Variants in TFEB observed in about 807,000 individuals in gnomAD.
The protein encoded by TFEB is transcription factor EB, also known as T-cell transcription factor EB.
Under a neutral mutation model 48.0 loss-of-function variants are expected in TFEB, and 12 were observed. The observed-to-expected ratio is 0.25, with a 90% confidence interval of 0.16 to 0.40. TFEB has a LOEUF of 0.40. Among genes scored for constraint, TFEB ranks in the 10% least tolerant of loss-of-function variants. The pLI, the probability that TFEB is intolerant of heterozygous loss-of-function variation, is 1.00. For missense variants in TFEB, 509 were observed against 640.3 expected (o/e 0.79, Z 2.21); for synonymous variants, 244 against 261.4 (o/e 0.93, Z 0.64).
At position 41,691,983 on chromosome 6, in the gene TFEB, T is replaced by C. The variant is rs1203102556; in HGVS notation, c.-22-748A>G. On this transcript the variant is annotated intron_variant, in intron 1 of 8. Transcript: ENST00000373033. This position sits in a 1 kb window ranked among gnomAD's most constrained non-coding sequence, Gnocchi z 5.2. ...CACTTGCTGTTCCCTCTGCCTGGAA[T>C]GCTCTCCCCCCAGATGACATCATGG... Among the ~76,000 whole-genome samples the C allele has an allele frequency of 1.3e-5, 2 of 152,114 alleles. No individual in the cohort carries two copies. Among genetic ancestry groups the C allele is most frequent in the African/African-American group, 4.8e-5 (2 of 41,404 alleles).
rs183254274 is a variant in TFEB at position 41,698,014 on chromosome 6, A to C, written c.-22-6779T>G. Among the ~76,000 whole-genome samples the C allele has an allele frequency of 3.8e-3, 574 of 152,164 alleles. 6 individuals carry two copies. The highest frequency in any genetic ancestry group is 0.013 in the African/African-American group (520 of 41,420). ...TTTGGAATGTTATTCTTTCTCTAGA[A>C]TGAAGATGTATATCTTTCTAATTGA... On this transcript the variant is annotated intron_variant, in intron 1 of 8. Coordinates refer to ENST00000373033, the MANE Select transcript of TFEB (RefSeq NM_001271944.2).
chr6:41,726,928 A>G (rs1006087852), intron 1 of TFEB, among the ~76,000 whole-genome samples: 1 of 152,218 alleles, frequency 6.6e-6, no homozygotes, highest in Non-Finnish European at 1.5e-5. Flanking sequence ...ATGACAACCT[A>G]TAGTTAGGCA....
intron 1 of TFEB, among the ~76,000 whole-genome samples, chr6:41,704,232 G>A (rs990269444): frequency 5.3e-5 from 8 of 152,168 alleles, no homozygotes; most frequent in African/African-American, 1.7e-4. Context: ...TCCTGAGTCC[G>A]CCCTCTGGAA....
rs976141510 is a variant in TFEB at position 41,691,870 on chromosome 6, C to T, written c.-22-635G>A. Among the ~76,000 whole-genome samples the T allele has an allele frequency of 6.6e-6, 1 of 152,130 alleles. No homozygotes were observed. The highest frequency in any genetic ancestry group is 2.4e-5 in the African/African-American group (1 of 41,420). ...CCTTTGACCCCATCCGCCAGCTCTC[C>T]CTCTTGTTTTATCTGCTCCGGCTAC... is the stretch of plus-strand genomic sequence containing the variant. On this transcript the variant is annotated intron_variant, in intron 1 of 8. Coordinates refer to ENST00000373033, the MANE Select transcript of TFEB (RefSeq NM_001271944.2). This position sits in a 1 kb window ranked among gnomAD's most constrained non-coding sequence, Gnocchi z 5.2.
In TFEB at chr6:41,730,887, C is replaced by T. The variant is rs1481561277; in HGVS notation, c.-23+4463G>A. Among the ~76,000 whole-genome samples the T allele has an allele frequency of 6.6e-6, 1 of 152,138 alleles. No individual in the cohort carries two copies. Among genetic ancestry groups the T allele is most frequent in the Non-Finnish European group, 1.5e-5 (1 of 68,028 alleles). The stretch of plus-strand genomic sequence containing the variant: ...GGTGGTAGAGATGCCTCAGGCATTG[C>T]CAAGCCCCCTGCACCGTCTTATTCA... On this transcript the variant is annotated intron_variant, in intron 1 of 8. Coordinates refer to ENST00000373033, the MANE Select transcript of TFEB (RefSeq NM_001271944.2). The surrounding 1 kb of genome is among the most constrained non-coding windows in gnomAD (Gnocchi z 4.1).
intron 1 of TFEB, chr6:41,735,047 A>G (rs1245263218): frequency 1.0e-6 from 1 of 985,018 alleles, no homozygotes; most frequent in Non-Finnish European, 1.2e-6. Context: ...GGGAAGGCCC[A>G]TGCCCGCCCG....
upstream of TFEB, chr6:41,736,140 A>G: frequency 6.2e-7 from 1 of 1,612,700 alleles, no homozygotes; most frequent in Admixed American, 1.7e-5. Flanking sequence ...TTCACGCCCC[A>G]CTCACCAGCC....
chr6:41,687,756 A>G lies in TFEB; in HGVS notation c.724T>C (p.Leu242=). The change falls in exon 6 of 9, where the codon TTA becomes CTA. Residue 242 remains leucine, a synonymous_variant. Coordinates refer to ENST00000373033, the MANE Select transcript of TFEB (RefSeq NM_001271944.2). Reference sequence around the variant, plus strand: ...AGAGGGGCGGGGCAGGACTCACTTAAGTTGTGATTGTCTTTCTTCTGCCGC... The same window carrying G: ...AGAGGGGCGGGGCAGGACTCACTTAGGTTGTGATTGTCTTTCTTCTGCCGC... ...KERQKKDNHN[L]IERRRRFNIN... 1 of 1,614,058 alleles carries G rather than the reference A, an allele frequency of 6.2e-7. No homozygotes were observed. Among genetic ancestry groups the G allele is most frequent in the Non-Finnish European group, 8.5e-7 (1 of 1,179,982 alleles).
At chr6:41,709,630 G>GTGGA (rs1205775828) in intron 1 of TFEB, among the ~76,000 whole-genome samples, 5 of 150,978 alleles carry the variant, frequency 3.3e-5, no homozygotes, top group African/African-American at 7.3e-5. Flanking sequence ...ATAATGGTGG[G>GTGGA]TGGATGGATG....
chr6:41,727,724 G>A (rs1485014551), intron 1 of TFEB, among the ~76,000 whole-genome samples: 1 of 152,176 alleles, frequency 6.6e-6, no homozygotes, highest in East Asian at 1.9e-4. Context: ...CTGGAGGTGG[G>A]AGGAACAGAG....
chr6:41,695,521 G>A (rs1769531799), intron 1 of TFEB, among the ~76,000 whole-genome samples: 1 of 152,138 alleles, frequency 6.6e-6, no homozygotes, highest in Non-Finnish European at 1.5e-5. Flanking sequence ...TTTTCCTGGA[G>A]GAAACAGAGG....
chr6:41,687,702 AG>A, intron 6 of TFEB, 50 bp downstream of exon 6: 1 of 1,611,982 alleles, frequency 6.2e-7, no homozygotes, highest in South Asian at 1.1e-5. Flanking sequence ...TAGCCAGCCC[AG>A]GTGAGAACAA....
chr6:41,714,151 A>G (rs1311210323), intron 1 of TFEB, among the ~76,000 whole-genome samples: 3 of 142,800 alleles, frequency 2.1e-5, no homozygotes, highest in Admixed American at 6.9e-5. Flanking sequence ...GTGTGTGTGC[A>G]TGTGCATGCG....
chr6:41,701,460 G>GA (rs1450655710), intron 1 of TFEB, among the ~76,000 whole-genome samples: 4 of 152,200 alleles, frequency 2.6e-5, no homozygotes, highest in Non-Finnish European at 5.9e-5. Context: ...AGACTTTCCA[G>GA]AAAGAGATGC....
chr6:41,706,906 T>C (rs1269079137), intron 1 of TFEB, among the ~76,000 whole-genome samples: 3 of 151,440 alleles, frequency 2.0e-5, no homozygotes, highest in Admixed American at 6.6e-5. Flanking sequence ...TTAAACACCA[T>C]AAGAAGCACT....
At position 41,684,963 on chromosome 6, in the gene TFEB, G is replaced by A; in HGVS notation, c.1067C>T (p.Pro356Leu). The A allele has an allele frequency of 1.3e-6, 2 of 1,583,600 alleles. No individual in the cohort carries two copies. Among genetic ancestry groups the A allele is most frequent in the Non-Finnish European group, 1.7e-6 (2 of 1,165,168 alleles). ...VKQELPSEEG[P>L]GEALMLGAEV... is the part of the protein sequence containing the mutation. ...AGCCCCCAGCATCAGGGCCTCCCCT[G>A]GGCCCTCTTCGCTAGGCAGCTCCTG... Residue 356 changes from proline (P) to leucine (L), a missense_variant, in exon 9 of 9, where the codon CCA becomes CTA. Around this residue, in one of 4 missense-constraint regions of TFEB, gnomAD observed 168 missense variants for 161.0 expected, o/e 1.04. Transcript: ENST00000373033.
At position 41,690,725 on chromosome 6, in the gene TFEB, C is replaced by T; in HGVS notation, c.406G>A (p.Gly136Ser). 1.9e-6 allele frequency: 3 copies of T among 1,588,478 alleles called. No individual in the cohort carries two copies. Among genetic ancestry groups the T allele is most frequent in the Non-Finnish European group, 1.7e-6 (2 of 1,163,592 alleles). The change falls in exon 3 of 9, where the codon GGC becomes AGC. Residue 136 changes from glycine to serine, a missense_variant. By Grantham distance (56) the Gly-to-Ser change is moderately conservative (BLOSUM62 0). Around this residue, in one of 4 missense-constraint regions of TFEB, gnomAD observed 251 missense variants for 317.2 expected, o/e 0.79. Coordinates refer to ENST00000373033, the MANE Select transcript of TFEB (RefSeq NM_001271944.2). The stretch of plus-strand genomic sequence containing the variant: ...ATGGGGCTATTGGGAGCACTGTTGC[C>T]AGCGGAGGAGGACAGCACGTGTCCA... ...RAGHVLSSSA[G>S]NSAPNSPMAM...
intron 1 of TFEB, chr6:41,733,496 C>T (rs541578716): frequency 1.0e-3 from 458 of 453,984 alleles, no homozygotes; most frequent in Non-Finnish European, 1.3e-3. Flanking sequence ...ATTGGCTTCC[C>T]TCGGGGAGAA....
intron 1 of TFEB, among the ~76,000 whole-genome samples, chr6:41,729,203 C>G (rs573353149): frequency 6.6e-6 from 1 of 152,268 alleles, no homozygotes; most frequent in African/African-American, 2.4e-5. Flanking sequence ...CTCCACACCC[C>G]TGCCCCCAGG....
Sources: gnomAD v4.1 joint callset for allele counts (sites outside exome capture counted in the v4.1 genomes callset) on GRCh38, gnomAD v4.1.1 for gene constraint, gnomAD v4.1.1 regional missense constraint, Gnocchi (gnomAD v3.1) non-coding constraint, MANE v1.5 for transcripts, NCBI Gene and HGNC (gene_info 2026-07-23, HGNC 2026-07-21) for gene names.